Variants in MCPH1 observed in about 807,000 individuals in gnomAD.
The protein encoded by MCPH1 is microcephalin 1, also known as microcephalin.
In MCPH1, 104 loss-of-function variants were observed where a neutral mutation model predicts 84.5. The observed-to-expected ratio is 1.23, with a 90% CI of 1.05 to 1.45. MCPH1 has a LOEUF of 1.45. Ranked by LOEUF, MCPH1 falls within the 40% of genes most tolerant of loss-of-function variation. The probability of loss-of-function intolerance (pLI) is 0.00; values close to 1 mark genes in which losing one functional copy is unlikely to be tolerated. For missense variants in MCPH1, 1,498 were observed against 1,005.7 expected, an observed-to-expected ratio of 1.49 and a Z score of -6.62; for synonymous variants, 514 against 366.8, an observed-to-expected ratio of 1.40 and a Z score of -4.58.
intron 12 of MCPH1, among the ~76,000 whole-genome samples, chr8:6,569,641 C>G (rs1255403045): frequency 6.6e-6 from 1 of 152,180 alleles, no homozygotes; most frequent in Non-Finnish European, 1.5e-5. Flanking sequence ...AAGAGAGAGA[C>G]AAGAATTCCC....
chr8:6,551,633 A>G (rs1823667681), intron 12 of MCPH1, among the ~76,000 whole-genome samples: 1 of 152,244 alleles, frequency 6.6e-6, no homozygotes, highest in African/African-American at 2.4e-5. Context: ...AGTTAAGTTA[A>G]AAATGATTCA....
chr8:6,627,950 A>C (rs937801415), intron 13 of MCPH1, among the ~76,000 whole-genome samples: 1 of 152,090 alleles, frequency 6.6e-6, no homozygotes, highest in Non-Finnish European at 1.5e-5. Context: ...TTTTAAAAAA[A>C]ATTAACTAAC....
intron 3 of MCPH1, among the ~76,000 whole-genome samples, chr8:6,429,217 A>T (rs1020004917): frequency 6.6e-6 from 1 of 152,164 alleles, no homozygotes; most frequent in Non-Finnish European, 1.5e-5. Flanking sequence ...CTTTCATGGA[A>T]AACTTTTTGT....
chr8:6,535,357 C>G (rs376606145), intron 12 of MCPH1, among the ~76,000 whole-genome samples: 2 of 152,144 alleles, frequency 1.3e-5, no homozygotes, highest in East Asian at 3.8e-4. Flanking sequence ...CTTTGAAAGA[C>G]ATACAGGCCC....
chr8:6,580,242 C>T (rs536994262), intron 12 of MCPH1, among the ~76,000 whole-genome samples: 2 of 152,304 alleles, frequency 1.3e-5, no homozygotes, highest in South Asian at 2.1e-4. Flanking sequence ...CCTGTACTCA[C>T]GAAGCCTCCA....
At chr8:6,497,313 C>G (rs1451761659) in intron 11 of MCPH1, among the ~76,000 whole-genome samples, 1 of 141,494 alleles carries the variant, frequency 7.1e-6, no homozygotes, top group Non-Finnish European at 1.6e-5. Flanking sequence ...AAACCCCATT[C>G]TCTACCAAAA....
At chr8:6,557,384 C>G (rs925343347) in intron 12 of MCPH1, among the ~76,000 whole-genome samples, 5 of 152,104 alleles carry the variant, frequency 3.3e-5, no homozygotes, top group Non-Finnish European at 7.4e-5. Flanking sequence ...GTGGAAAGTG[C>G]TTTAAGGTGA....
intron 12 of MCPH1, among the ~76,000 whole-genome samples, chr8:6,525,099 C>T (rs2959817): frequency 0.3 from 46,235 of 152,114 alleles, 7,644 homozygotes; most frequent in East Asian, 0.69. Context: ...TTGACAGTAA[C>T]ATTTTCTGAC....
chr8:6,534,508 A>C (rs1233529483), intron 12 of MCPH1, among the ~76,000 whole-genome samples: 1 of 152,132 alleles, frequency 6.6e-6, no homozygotes, highest in Non-Finnish European at 1.5e-5. Flanking sequence ...TACTCAAGCC[A>C]TCCACCCGCC....
intron 4 of MCPH1, 107 bp downstream of exon 4, chr8:6,431,693 A>G: frequency 1.4e-6 from 1 of 735,978 alleles, no homozygotes; most frequent in Non-Finnish European, 2.3e-6. Context: ...GAGTTGTCTT[A>G]AATATGCTAT....
At chr8:6,463,512 T>A (rs1806510057) in intron 9 of MCPH1, among the ~76,000 whole-genome samples, 1 of 152,106 alleles carries the variant, frequency 6.6e-6, no homozygotes. Context: ...GAATTACAGC[T>A]CATTTGGGTG....
At chr8:6,623,016 T>TCC (rs202246538) in intron 13 of MCPH1, among the ~76,000 whole-genome samples, 1 of 140,230 alleles carries the variant, frequency 7.1e-6, no homozygotes, top group East Asian at 2.1e-4. Flanking sequence ...TTACTTTCTT[T>TCC]TTTTTTTTTT....
At chr8:6,530,902 G>A (rs1280999791) in intron 12 of MCPH1, among the ~76,000 whole-genome samples, 1 of 152,206 alleles carries the variant, frequency 6.6e-6, no homozygotes, top group Non-Finnish European at 1.5e-5. Context: ...CCCCTCTCAT[G>A]TCCTCTCCTG....
chr8:6,519,793 C>T lies in MCPH1; in HGVS notation c.2214+19864C>T, dbSNP rs935360315. 9.0e-6 allele frequency: 14 copies of T among 1,557,830 alleles called. No homozygotes were observed. In the Admixed American group the frequency reaches 1.9e-4, roughly 21 times the overall value. ...AGATCTTTGGGGAGAGACTTCTGCT[C>T]TCTGGTTCCTCACTCACTAAAGTGG... On this transcript the variant is annotated intron_variant, in intron 12 of 13. Coordinates refer to ENST00000344683, the MANE Select transcript of MCPH1 (RefSeq NM_024596.5).
chr8:6,439,414 G>T (rs1803166771), intron 6 of MCPH1, among the ~76,000 whole-genome samples: 3 of 145,542 alleles, frequency 2.1e-5, no homozygotes, highest in South Asian at 2.2e-4. Flanking sequence ...TTCTGAGATG[G>T]AGTTTTGCAT....
chr8:6,645,178 G>C lies in MCPH1; in HGVS notation c.*2129G>C, dbSNP rs1329641583. The stretch of plus-strand genomic sequence containing the variant: ...CCACATCAGCCACGGAGCCAGCCCA[G>C]CCTCTGCCCACCCAGGCCTCAGTCC... On this transcript the variant is annotated 3_prime_UTR_variant, in exon 14 of 14. Transcript: ENST00000344683. The C allele has an allele frequency of 6.6e-6, 1 of 152,368 alleles. No individual in the cohort carries two copies. The highest frequency in any genetic ancestry group is 2.4e-5 in the African/African-American group (1 of 41,424). The allele number at this position is 152,368 out of a possible 1,614,324, so 9.4% of individuals were successfully genotyped here. A position where few individuals can be genotyped will look rare whatever the true frequency, so the allele number is the denominator to read the frequency against.
chr8:6,542,007 C>CAAAAA (rs764731302), intron 12 of MCPH1, among the ~76,000 whole-genome samples: 1 of 57,238 alleles, frequency 1.7e-5, no homozygotes, highest in African/African-American at 6.1e-5. Flanking sequence ...GACTCAATCT[C>CAAAAA]AAAAAAAAAA....
At chr8:6,446,868 T>C (rs891433993) in intron 8 of MCPH1, 2 of 984,998 alleles carry the variant, frequency 2.0e-6, no homozygotes, top group African/African-American at 3.5e-5. Flanking sequence ...TGTTATGTTC[T>C]AGAACACTGC....
intron 12 of MCPH1, among the ~76,000 whole-genome samples, chr8:6,549,233 A>G (rs897120122): frequency 6.6e-6 from 1 of 152,268 alleles, no homozygotes; most frequent in Non-Finnish European, 1.5e-5. Flanking sequence ...CAGCAGTACC[A>G]TGGGTACGTA....
Sources: gnomAD v4.1 joint callset for allele counts (sites outside exome capture counted in the v4.1 genomes callset) on GRCh38, gnomAD v4.1.1 for gene constraint, MANE v1.5 for transcripts, NCBI Gene and HGNC (gene_info 2026-07-23, HGNC 2026-07-21) for gene names.